Variants in C4BPA observed in about 807,000 individuals in gnomAD.
C4BPA encodes the protein C4b-binding protein alpha chain.
Under a neutral mutation model 63.7 loss-of-function variants are expected in C4BPA, and 31 were observed. The observed-to-expected ratio is 0.49, with a 90% CI of 0.37 to 0.66. The LOEUF is 0.66. Ranked by LOEUF, C4BPA falls within the 30% of genes least tolerant of loss-of-function variation. C4BPA has a pLI of 0.00. For missense variants in C4BPA, 572 were observed against 723.3 expected (o/e 0.79, Z 2.40); for synonymous variants, 259 against 254.7 (o/e 1.02, Z -0.16).
intron 10 of C4BPA, among the ~76,000 whole-genome samples, chr1:207,141,495 C>T (rs907752579): frequency 6.6e-6 from 1 of 152,188 alleles, no homozygotes. Flanking sequence ...CAAAATTCAG[C>T]CTTCTTGGGG....
chr1:207,144,317 A>T (rs1318596464), intron 11 of C4BPA, among the ~76,000 whole-genome samples: 1 of 152,186 alleles, frequency 6.6e-6, no homozygotes, highest in African/African-American at 2.4e-5. Flanking sequence ...CAGCAAAAAC[A>T]GCCTCTGTTA....
At chr1:207,113,238 TA>T (rs371691382) in intron 2 of C4BPA, 71 bp downstream of exon 2, 378 of 1,502,428 alleles carry the variant, frequency 2.5e-4, no homozygotes, top group Admixed American at 4.5e-4. Flanking sequence ...CTTTTAAGGC[TA>T]AAAAAAATGA....
intron 4 of C4BPA, among the ~76,000 whole-genome samples, chr1:207,116,282 A>T (rs76724744): frequency 6.6e-6 from 1 of 152,040 alleles, no homozygotes; most frequent in Non-Finnish European, 1.5e-5. Flanking sequence ...TCTTATTGTC[A>T]GGGAGGTTAA....
chr1:207,113,900 T>C (rs1684724082), intron 2 of C4BPA, among the ~76,000 whole-genome samples, 200 bp from the exon 3 acceptor site: 1 of 152,212 alleles, frequency 6.6e-6, no homozygotes, highest in African/African-American at 2.4e-5. Context: ...TCATTGTCAT[T>C]ATCATTTGTG....
rs1159629507 is a variant in C4BPA at position 207,131,536 on chromosome 1, T to C, written c.890-10T>C. On this transcript the variant is annotated splice_polypyrimidine_tract_variant and intron_variant, in intron 7 of 11. Coordinates refer to ENST00000367070, the MANE Select transcript of C4BPA (RefSeq NM_000715.4). ...TCCTTTTGTTCTTCTTCTTCTTCTT[T>C]CATGAGTAGATAGTTGTATTAATTT... is the stretch of plus-strand genomic sequence containing the variant. 3.8e-6 allele frequency: 6 copies of C among 1,588,076 alleles called. No individual in the cohort carries two copies. The African/African-American group carries it at 8.1e-5, about 21-fold the overall frequency.
intron 7 of C4BPA, among the ~76,000 whole-genome samples, chr1:207,128,429 G>C (rs1403673288): frequency 6.6e-6 from 1 of 152,132 alleles, no homozygotes; most frequent in Non-Finnish European, 1.5e-5. Flanking sequence ...GGCAGATTTG[G>C]AGCAAGCTTC....
rs371494476 is a variant in C4BPA at position 207,116,643 on chromosome 1, C to T, written c.428+1128C>T. Among the ~76,000 whole-genome samples the T allele has an allele frequency of 1.6e-4, 24 of 148,866 alleles. No homozygotes were observed. In the East Asian group the frequency reaches 3.6e-3, roughly 22 times the overall value. On this transcript the variant is annotated intron_variant, in intron 4 of 11. Transcript: ENST00000367070. ...TTATGTTGTTAAATTCATCAATTTC[C>T]CTTTTAGAAATGGCTTTTGGATTTT...
At chr1:207,108,380 G>A (rs1684600401) in intron 1 of C4BPA, among the ~76,000 whole-genome samples, 1 of 152,154 alleles carries the variant, frequency 6.6e-6, no homozygotes, top group East Asian at 1.9e-4. Context: ...ATGTGGCAGA[G>A]CAATCTCTAA....
intron 9 of C4BPA, among the ~76,000 whole-genome samples, chr1:207,139,048 G>C (rs1685353981): frequency 6.6e-6 from 1 of 152,104 alleles, no homozygotes; most frequent in Non-Finnish European, 1.5e-5. Flanking sequence ...GATATATTCA[G>C]ACTCTATTAT....
intron 5 of C4BPA, 75 bp from the exon 6 acceptor site, chr1:207,124,100 T>G (rs1207710027): frequency 7.9e-6 from 12 of 1,515,662 alleles, no homozygotes; most frequent in Non-Finnish European, 1.1e-5. Flanking sequence ...TACCTTCCAT[T>G]AGAATTTGCA....
At position 207,141,281 on chromosome 1, in the gene C4BPA, C is replaced by T; in HGVS notation, c.1444+5C>T. Reference sequence around the variant, plus strand: ...CTCCAGCCCCTCAATGTAAAGGTAACTCCAGCTTCCTTTTCAGCTCAAGAT... The same window carrying T: ...CTCCAGCCCCTCAATGTAAAGGTAATTCCAGCTTCCTTTTCAGCTCAAGAT... On this transcript the variant is annotated splice_donor_5th_base_variant and intron_variant, in intron 10 of 11. Transcript: ENST00000367070. 3.7e-6 allele frequency: 6 copies of T among 1,609,878 alleles called. No homozygotes were observed. Among genetic ancestry groups the T allele is most frequent in the Non-Finnish European group, 4.2e-6 (5 of 1,178,490 alleles).
In C4BPA at chr1:207,144,791, A is replaced by G; in HGVS notation, c.*74A>G. On this transcript the variant is annotated 3_prime_UTR_variant, in exon 12 of 12. Coordinates refer to ENST00000367070, the MANE Select transcript of C4BPA (RefSeq NM_000715.4). ...CAATTCAATACAGATCAGTTTAGCA[A>G]ATCTACTGTCAATTTGGCAGTGATA... 1 of 909,474 alleles carries G rather than the reference A, an allele frequency of 1.1e-6. No homozygotes were observed. Among genetic ancestry groups the G allele is most frequent in the Non-Finnish European group, 1.6e-6 (1 of 638,350 alleles). The allele number at this position is 909,474 out of a possible 1,614,324, so 56.3% of individuals were successfully genotyped here.
chr1:207,127,094 C>A, intron 7 of C4BPA, 199 bp downstream of exon 7: 1 of 438,510 alleles, frequency 2.3e-6, no homozygotes. Context: ...TATTGTCACA[C>A]AAAACTGCCA....
chr1:207,115,483 T>C lies in C4BPA; in HGVS notation c.396T>C (p.Phe132=). 1 of 1,595,886 alleles carries C rather than the reference T, an allele frequency of 6.3e-7. No individual in the cohort carries two copies. Among genetic ancestry groups the C allele is most frequent in the Non-Finnish European group, 8.5e-7 (1 of 1,172,856 alleles). The change falls in exon 4 of 12, where the codon TTT becomes TTC. Residue 132 remains phenylalanine (F), a synonymous_variant. Coordinates refer to ENST00000367070, the MANE Select transcript of C4BPA (RefSeq NM_000715.4). Reference sequence around the variant, plus strand: ...TAGAGATTAAGACAGATTTATCTTTTGGATCACAAATAGAATTCAGCTGTT... The same window carrying C: ...TAGAGATTAAGACAGATTTATCTTTCGGATCACAAATAGAATTCAGCTGTT... ...GQVEIKTDLS[F]GSQIEFSCSE... is the part of the protein sequence containing the mutation.
At chr1:207,138,861 G>A (rs1366885406) in intron 9 of C4BPA, among the ~76,000 whole-genome samples, 1 of 152,166 alleles carries the variant, frequency 6.6e-6, no homozygotes, top group Non-Finnish European at 1.5e-5. Flanking sequence ...AGTGTTCCCT[G>A]AACCTTGGAC....
At chr1:207,124,031 G>T in intron 5 of C4BPA, 24 bp downstream of exon 5, 1 of 1,558,350 alleles carries the variant, frequency 6.4e-7, no homozygotes. Context: ...CTTCTGACTT[G>T]ACTATCAATT....
rs756244868 is a variant in C4BPA, at chr1:207,115,443, T to A, written c.356T>A (p.Leu119Ter). 1 of 1,599,398 alleles carries A rather than the reference T, an allele frequency of 6.3e-7. No homozygotes were observed. Among genetic ancestry groups the A allele is most frequent in the Non-Finnish European group, 8.5e-7 (1 of 1,174,942 alleles). ...AAACGATGCAGACACCCAGGAGAGT[T>A]ACGTAATGGGCAAGTAGAGATTAAG... is the stretch of plus-strand genomic sequence containing the variant. ...IYKRCRHPGELRNGQVEIKTD... is the reference protein window; with the variant it reads ...IYKRCRHPGE The change falls in exon 4 of 12, where the codon TTA becomes TAA. Residue 119 changes from leucine to a stop codon, truncating the protein, a stop_gained. Coordinates refer to ENST00000367070, the MANE Select transcript of C4BPA (RefSeq NM_000715.4). LOFTEE classifies it high-confidence loss of function.
At position 207,134,603 on chromosome 1, in the gene C4BPA, A is replaced by G. The variant is rs771470128; in HGVS notation, c.1273+11A>G. 6.3e-7 allele frequency: 1 copy of G among 1,588,058 alleles called. No homozygotes were observed. The highest frequency in any genetic ancestry group is 1.4e-5 in the African/African-American group (1 of 74,068). The stretch of plus-strand genomic sequence containing the variant: ...CATCATGTGGAGACAGTAAGAGTTC[A>G]TAGAATTATCTTATTCTGGGAGTTT... On this transcript the variant is annotated intron_variant, in intron 9 of 11. Coordinates refer to ENST00000367070, the MANE Select transcript of C4BPA (RefSeq NM_000715.4).
At chr1:207,134,317 C>T (rs762930500) in intron 8 of C4BPA, 87 bp from the exon 9 acceptor site, 29 of 946,750 alleles carry the variant, frequency 3.1e-5, no homozygotes, top group African/African-American at 3.3e-5. Flanking sequence ...GTGGTGAGAT[C>T]GTCCAAAGAT....
Sources: allele counts gnomAD v4.1 joint callset (sites outside exome capture counted in the v4.1 genomes callset), GRCh38; gene constraint gnomAD v4.1.1; transcripts MANE v1.5; gene names NCBI Gene and HGNC (gene_info 2026-07-23, HGNC 2026-07-21).